The following NFIB variants were observed in gnomAD, a reference collection of about 807,000 sequenced individuals.
The protein encoded by NFIB is nuclear factor I B.
Under a neutral mutation model 61.5 loss-of-function variants are expected in NFIB, and 11 were observed. That is an observed-to-expected ratio of 0.18 (90% CI 0.11 to 0.30). NFIB has a LOEUF of 0.30. Ranked by LOEUF, NFIB falls within the 10% of genes least tolerant of loss-of-function variation. The probability of loss-of-function intolerance (pLI) is 1.00; values close to 1 mark genes in which losing one functional copy is unlikely to be tolerated. For missense variants in NFIB, 471 were observed against 608.9 expected, an observed-to-expected ratio of 0.77 and a Z score of 2.38; for synonymous variants, 260 against 216.5, an observed-to-expected ratio of 1.20 and a Z score of -1.76.
At chr9:14,299,489 T>G (rs2059632806) in intron 2 of NFIB, among the ~76,000 whole-genome samples, 1 of 152,244 alleles carries the variant, frequency 6.6e-6, no homozygotes, top group Non-Finnish European at 1.5e-5. Context: ...TGCATGTATT[T>G]AACATGAAAT....
chr9:14,426,432 T>C, the NFIB span, among the ~76,000 whole-genome samples: 3 of 152,210 alleles, frequency 2.0e-5, no homozygotes, highest in Non-Finnish European at 4.4e-5. Context: ...TTTTCTCCTA[T>C]AGACTGCAAG....
At chr9:14,267,044 G>A (rs907145787) in intron 2 of NFIB, among the ~76,000 whole-genome samples, 1 of 151,982 alleles carries the variant, frequency 6.6e-6, no homozygotes, top group East Asian at 1.9e-4. Flanking sequence ...AGCATACAGG[G>A]AAAAGAAGAA....
intron 10 of NFIB, among the ~76,000 whole-genome samples, chr9:14,112,234 T>A (rs1470655147): frequency 6.6e-6 from 1 of 152,210 alleles, no homozygotes; most frequent in East Asian, 1.9e-4. Flanking sequence ...AATTCGGAAC[T>A]GTTTAGAATT....
chr9:14,111,292 G>A (rs776323611), intron 10 of NFIB, among the ~76,000 whole-genome samples: 3 of 152,102 alleles, frequency 2.0e-5, no homozygotes, highest in Non-Finnish European at 4.4e-5. Context: ...ATAATTACAT[G>A]AGGCTTCGAC....
intron 1 of NFIB, among the ~76,000 whole-genome samples, chr9:14,358,906 AAC>A (rs1564029662): frequency 6.6e-6 from 1 of 152,220 alleles, no homozygotes; most frequent in Non-Finnish European, 1.5e-5. Flanking sequence ...ATGATACATC[AAC>A]CTTATCATCA....
the NFIB span, among the ~76,000 whole-genome samples, chr9:14,517,242 C>T: frequency 6.6e-6 from 1 of 152,232 alleles, no homozygotes; most frequent in South Asian, 2.1e-4. Context: ...CAACCTCTCT[C>T]TGGAATGCAG....
At chr9:14,448,394 ATTT>A in the NFIB span, among the ~76,000 whole-genome samples, 1 of 152,180 alleles carries the variant, frequency 6.6e-6, no homozygotes, top group Admixed American at 6.5e-5. Context: ...TCCAAAAAAA[ATTT>A]TTATTTAAAA....
rs1216104716 is a variant in NFIB at position 14,083,271 on chromosome 9, T to C, written c.*5038A>G. 3 of 225,322 alleles carry C rather than the reference T, an allele frequency of 1.3e-5. No homozygotes were observed. Among genetic ancestry groups the C allele is most frequent in the African/African-American group, 2.2e-5 (1 of 44,800 alleles). 14.0% of individuals were successfully genotyped at this position (225,322 alleles called of 1,614,324 possible). On this transcript the variant is annotated 3_prime_UTR_variant, in exon 11 of 11. Coordinates refer to ENST00000380953, the MANE Select transcript of NFIB (RefSeq NM_001190737.2). ...ATGAGTTTGGCTGATGCAAAGGTCA[T>C]TGTGCAGGGTCAAAGGGCAAAATCA...
chr9:14,530,081 T>C, the NFIB span, among the ~76,000 whole-genome samples: 1 of 152,220 alleles, frequency 6.6e-6, no homozygotes, highest in Non-Finnish European at 1.5e-5. Context: ...TAAACCTTTT[T>C]ACTTTTCCCC....
chr9:14,379,854 T>G, intron 1 of NFIB, among the ~76,000 whole-genome samples: 1 of 152,078 alleles, frequency 6.6e-6, no homozygotes, highest in East Asian at 1.9e-4. Flanking sequence ...AGCTAGTTTT[T>G]GTATTTTTAG....
At chr9:14,424,686 T>G in the NFIB span, among the ~76,000 whole-genome samples, 1 of 152,218 alleles carries the variant, frequency 6.6e-6, no homozygotes, top group Middle Eastern at 3.2e-3. Context: ...GCCATGGGTC[T>G]TATTGACTCA....
intron 1 of NFIB, among the ~76,000 whole-genome samples, chr9:14,383,495 A>C (rs892690307): frequency 6.6e-6 from 1 of 152,232 alleles, no homozygotes; most frequent in Admixed American, 6.5e-5. Flanking sequence ...CATGGTTTGC[A>C]TGATGAGTGT....
chr9:14,512,464 C>T, the NFIB span, among the ~76,000 whole-genome samples: 2 of 151,932 alleles, frequency 1.3e-5, no homozygotes, highest in East Asian at 1.9e-4. Context: ...AAAGTATCTT[C>T]GTATTTCTAG....
chr9:14,183,773 C>T (rs185831304), intron 2 of NFIB, among the ~76,000 whole-genome samples: 1 of 152,134 alleles, frequency 6.6e-6, no homozygotes, highest in East Asian at 1.9e-4. Context: ...CAACCAAAAC[C>T]AGTCCTCCCT....
chr9:14,511,609 C>A, the NFIB span, among the ~76,000 whole-genome samples: 2 of 152,180 alleles, frequency 1.3e-5, no homozygotes, highest in African/African-American at 4.8e-5. Flanking sequence ...TGAGATGACA[C>A]AGCCAGTAAG....
At chr9:14,519,626 G>C in the NFIB span, among the ~76,000 whole-genome samples, 1 of 152,110 alleles carries the variant, frequency 6.6e-6, no homozygotes, top group African/African-American at 2.4e-5. Context: ...GCGGTGCGTT[G>C]TGCTTATGCC....
chr9:14,277,577 A>G (rs1443387259), intron 2 of NFIB, among the ~76,000 whole-genome samples: 2 of 152,264 alleles, frequency 1.3e-5, no homozygotes, highest in South Asian at 2.1e-4. Context: ...GGTGAAAGAA[A>G]GAATTAACAA....
At chr9:14,240,603 G>A (rs1342889225) in intron 2 of NFIB, among the ~76,000 whole-genome samples, 1 of 152,184 alleles carries the variant, frequency 6.6e-6, no homozygotes, top group South Asian at 2.1e-4. Context: ...AAACAAGAAC[G>A]ATGTACTGTA....
At chr9:14,230,542 T>C (rs1361162147) in intron 2 of NFIB, among the ~76,000 whole-genome samples, 1 of 152,146 alleles carries the variant, frequency 6.6e-6, no homozygotes, top group African/African-American at 2.4e-5. Context: ...GAACCCTGAA[T>C]TTCAAGAACC....
Sources: gnomAD v4.1 joint callset for allele counts (sites outside exome capture counted in the v4.1 genomes callset) on GRCh38, gnomAD v4.1.1 for gene constraint, MANE v1.5 for transcripts, NCBI Gene and HGNC (gene_info 2026-07-23, HGNC 2026-07-21) for gene names.